TEX14: variants seen among roughly 807,000 people sequenced by gnomAD.
The protein encoded by TEX14 is testis expressed 14, intercellular bridge forming factor.
TEX14 carries 168 observed loss-of-function variants against 178.6 expected under a neutral mutation model. That is an observed-to-expected ratio of 0.94 (90% CI 0.83 to 1.07). The LOEUF is 1.07. TEX14 is among the 50% of genes least tolerant of loss of function. TEX14 has a pLI of 0.00. For synonymous variants in TEX14, 626 were observed against 634.1 expected, an observed-to-expected ratio of 0.99 and a Z score of 0.19; for missense variants, 1,730 against 1,753.6, an observed-to-expected ratio of 0.99 and a Z score of 0.24.
intron 1 of TEX14, among the ~76,000 whole-genome samples, chr17:58,678,008 G>A (rs2047422681): frequency 6.6e-6 from 1 of 152,214 alleles, no homozygotes. Flanking sequence ...AAATTAGCCT[G>A]GCATGGTGGC....
chr17:58,597,919 C>T (rs1008494448), intron 14 of TEX14, among the ~76,000 whole-genome samples: 2 of 152,122 alleles, frequency 1.3e-5, no homozygotes, highest in Admixed American at 6.6e-5. Context: ...GGTGTCTGCT[C>T]ACCTCCTCTG....
At chr17:58,587,545 C>T (rs894244873) in intron 17 of TEX14, 36 bp downstream of exon 17, 1 of 1,269,452 alleles carries the variant, frequency 7.9e-7, no homozygotes, top group Non-Finnish European at 1.1e-6. Context: ...CTTTAAATTT[C>T]ATTTTGTCTA....
intron 1 of TEX14, among the ~76,000 whole-genome samples, chr17:58,685,264 T>G (rs2047571487): frequency 6.6e-6 from 1 of 151,652 alleles, no homozygotes; most frequent in East Asian, 1.9e-4. Context: ...TGAAACACCG[T>G]CTCTACTAAA....
At position 58,609,393 on chromosome 17, in the gene TEX14, G is replaced by A. The variant is rs185984119; in HGVS notation, c.1184+1768C>T. Among the ~76,000 whole-genome samples, 871 of 152,258 alleles carry A rather than the reference G, an allele frequency of 5.7e-3. 5 individuals are homozygous for A. The highest frequency in any genetic ancestry group is 9.2e-3 in the African/African-American group (380 of 41,522). ...CAAAGTGCTGGGATTACAGGCATGC[G>A]CCACCACGCCTGGCTAATTTTGTAT... On this transcript the variant is annotated intron_variant, in intron 10 of 31. Coordinates refer to ENST00000349033, the MANE Select transcript of TEX14 (RefSeq NM_031272.5).
chr17:58,676,722 A>G (rs907605335), intron 1 of TEX14, among the ~76,000 whole-genome samples: 2 of 152,122 alleles, frequency 1.3e-5, no homozygotes, highest in African/African-American at 4.8e-5. Context: ...TATGGTACTC[A>G]TTTTTGTAAT....
At position 58,569,385 on chromosome 17, in the gene TEX14, G is replaced by A; in HGVS notation, c.3818-125C>T. The A allele has an allele frequency of 1.4e-6, 1 of 700,152 alleles. No individual in the cohort carries two copies. Among genetic ancestry groups the A allele is most frequent in the African/African-American group, 1.8e-5 (1 of 56,046 alleles). The allele number at this position is 700,152 out of a possible 1,614,324, so 43.4% of individuals were successfully genotyped here. On this transcript the variant is annotated intron_variant, in intron 25 of 31. Transcript: ENST00000349033. The surrounding 1 kb of genome is among the most constrained non-coding windows in gnomAD (Gnocchi z 4.1). ...CTCAATGATGAAACAAACTAAGGAGGAAGGAAGCCTCTTACATAATAGTTC... is the reference window on the plus strand; with the variant it reads ...CTCAATGATGAAACAAACTAAGGAGAAAGGAAGCCTCTTACATAATAGTTC...
At chr17:58,631,445 G>C (rs1357622970) in intron 2 of TEX14, among the ~76,000 whole-genome samples, 1 of 152,060 alleles carries the variant, frequency 6.6e-6, no homozygotes, top group African/African-American at 2.4e-5. Flanking sequence ...AAAAGCCCCA[G>C]CTCAAAAATA....
chr17:58,592,835 G>A (rs762950728), intron 15 of TEX14, among the ~76,000 whole-genome samples: 6 of 152,018 alleles, frequency 3.9e-5, no homozygotes, highest in Non-Finnish European at 8.8e-5. Context: ...CACCACACTC[G>A]GCCTGTTTTA....
At chr17:58,582,186 T>C (rs191405188) in intron 19 of TEX14, among the ~76,000 whole-genome samples, 1 of 152,192 alleles carries the variant, frequency 6.6e-6, no homozygotes, top group African/African-American at 2.4e-5. Context: ...TAAAGGCAAA[T>C]GAAGAAGCAT....
intron 5 of TEX14, among the ~76,000 whole-genome samples, chr17:58,619,740 T>C (rs988279344): frequency 3.4e-5 from 5 of 146,746 alleles, no homozygotes; most frequent in South Asian, 2.2e-4. Context: ...AGACAGAGGT[T>C]GTGGTGAGCC....
Position 58,666,458 on chromosome 17 carries a change from C to CAAAAAAAAAAAA in TEX14, c.-1-14468_-1-14457dup, listed in dbSNP as rs141683264. ...ACAAAGTGAAACAAACCTTCCACGG[C>CAAAAAAAAAAAA]AAAAAAAAAAAAAAAAAAAAAAAAA... On this transcript the variant is annotated intron_variant, in intron 1 of 31. Transcript: ENST00000349033. 6 of 36,812 alleles carry CAAAAAAAAAAAA rather than the reference C, an allele frequency of 1.6e-4. 1 individual carries two copies. Among genetic ancestry groups the CAAAAAAAAAAAA allele is most frequent in the African/African-American group, 2.1e-4 (2 of 9,506 alleles). The allele number at this position is 36,812 out of a possible 1,614,324, so 2.3% of individuals were successfully genotyped here.
chr17:58,596,479 G>A (rs1188037312), intron 14 of TEX14, among the ~76,000 whole-genome samples: 7 of 151,966 alleles, frequency 4.6e-5, no homozygotes, highest in African/African-American at 1.2e-4. Context: ...ACAGGGTTTC[G>A]TTATGTTGCC....
At chr17:58,591,748 T>A (rs182624553) in intron 15 of TEX14, among the ~76,000 whole-genome samples, 1 of 151,324 alleles carries the variant, frequency 6.6e-6, no homozygotes, top group African/African-American at 2.4e-5. Flanking sequence ...AAAACTGATA[T>A]ACTAGTCTGT....
intron 2 of TEX14, among the ~76,000 whole-genome samples, chr17:58,646,659 C>T (rs2046714800): frequency 6.6e-6 from 1 of 152,138 alleles, no homozygotes; most frequent in East Asian, 1.9e-4. Context: ...CCTTGAGGTC[C>T]TGGCCTAAGC....
At position 58,599,647 on chromosome 17, in the gene TEX14, T is replaced by C; in HGVS notation, c.1698A>G (p.Pro566=). Residue 566 remains proline (P), a synonymous_variant, in exon 14 of 32, where the codon CCA becomes CCG. Transcript: ENST00000349033. ...CCTCAGTGAATAAAGAGTGAACCCT[T>C]GGTGAATGAGGTTGACTGCCTATTG... ...LKEMGSQPHS[P]RVHSLFTEGT... 6.2e-7 allele frequency: 1 copy of C among 1,611,340 alleles called. No homozygotes were observed. The highest frequency in any genetic ancestry group is 1.1e-5 in the South Asian group (1 of 90,818).
intron 15 of TEX14, among the ~76,000 whole-genome samples, chr17:58,592,015 C>T (rs1354451948): frequency 3.3e-5 from 5 of 151,030 alleles, no homozygotes; most frequent in South Asian, 2.1e-4. Context: ...GTCGAGATCA[C>T]GCCACTGCAC....
At chr17:58,632,829 G>A (rs1403409096) in intron 2 of TEX14, among the ~76,000 whole-genome samples, 1 of 152,106 alleles carries the variant, frequency 6.6e-6, no homozygotes, top group African/African-American at 2.4e-5. Flanking sequence ...GGCGACATCC[G>A]GAAAGATTGT....
chr17:58,676,138 G>A (rs1050706550), intron 1 of TEX14, among the ~76,000 whole-genome samples: 1 of 152,180 alleles, frequency 6.6e-6, no homozygotes, highest in Non-Finnish European at 1.5e-5. Context: ...CACTTTGGAA[G>A]GCTGACGCAG....
intron 11 of TEX14, among the ~76,000 whole-genome samples, chr17:58,603,753 C>A (rs1382661281): frequency 3.3e-5 from 5 of 150,878 alleles, no homozygotes; most frequent in African/African-American, 1.2e-4. Flanking sequence ...ACTTGGGAGG[C>A]TGAGGCAGGA....
Sources: allele counts gnomAD v4.1 joint callset (sites outside exome capture counted in the v4.1 genomes callset), GRCh38; gene constraint gnomAD v4.1.1; non-coding constraint Gnocchi (gnomAD v3.1); transcripts MANE v1.5; gene names NCBI Gene and HGNC (gene_info 2026-07-23, HGNC 2026-07-21).